Variants in SLC35D2 observed in about 807,000 individuals in gnomAD.
SLC35D2 encodes the protein solute carrier family 35 member D2, also known as nucleotide sugar transporter SLC35D2.
In SLC35D2, 43 loss-of-function variants were observed where a neutral mutation model predicts 41.8. The observed-to-expected ratio is 1.03, with a 90% CI of 0.81 to 1.33. The LOEUF (loss-of-function observed/expected upper bound fraction) is 1.33. Ranked by LOEUF, SLC35D2 falls within the 40% of genes most tolerant of loss-of-function variation. SLC35D2 has a pLI of 0.00. For synonymous variants in SLC35D2, 150 were observed against 163.9 expected (o/e 0.92, Z 0.65); for missense variants, 380 against 408.4 (o/e 0.93, Z 0.60).
intron 1 of SLC35D2, among the ~76,000 whole-genome samples, chr9:96,372,112 G>T (rs1391810285): frequency 6.6e-6 from 1 of 152,126 alleles, no homozygotes; most frequent in Non-Finnish European, 1.5e-5. Flanking sequence ...CCCGAGCTGT[G>T]GCCACTCCTG....
rs78220385 is a variant in SLC35D2, at chr9:96,324,168, A to G, written c.754T>C (p.Phe252Leu). The change falls in exon 10 of 12, where the codon TTT becomes CTT. Residue 252 changes from phenylalanine (F) to leucine (L), a missense_variant and splice_region_variant. Phe to Leu is a conservative substitution (Grantham distance 22). Transcript: ENST00000253270. ...LQFLLSCFLGFLLMYSTVLCS... is the reference protein window; with the variant it reads ...LQFLLSCFLGLLLMYSTVLCS... ...AGAACCGTGGAGTACATCAGCAGAA[A>G]CCTGTGACAAGGAAGCAGACACTGG... 1,513 of 1,613,552 alleles carry G rather than the reference A, an allele frequency of 9.4e-4. 1 individual carries two copies. The highest frequency in any genetic ancestry group is 1.2e-3 in the Non-Finnish European group (1,387 of 1,179,608).
In SLC35D2 at chr9:96,321,349, G is replaced by C; in HGVS notation, c.915-8C>G. On this transcript the variant is annotated splice_region_variant and splice_polypyrimidine_tract_variant and intron_variant, in intron 11 of 11. Coordinates refer to ENST00000253270, the MANE Select transcript of SLC35D2 (RefSeq NM_007001.3). ...CTCAAGCCCCCTGCCATGCTGAAAG[G>C]AGAAAAAAAAGTGAAAATAAATGAC... The C allele has an allele frequency of 6.2e-7, 1 of 1,602,734 alleles. No homozygotes were observed. The highest frequency in any genetic ancestry group is 8.5e-7 in the Non-Finnish European group (1 of 1,173,882).
At chr9:96,368,859 G>A (rs895309598) in intron 1 of SLC35D2, among the ~76,000 whole-genome samples, 77 of 151,868 alleles carry the variant, frequency 5.1e-4, no homozygotes, top group African/African-American at 1.8e-3. Flanking sequence ...CCACCTCCTG[G>A]GTTCAAGCGA....
At chr9:96,381,827 T>G (rs1831209774) in intron 1 of SLC35D2, among the ~76,000 whole-genome samples, 1 of 152,178 alleles carries the variant, frequency 6.6e-6, no homozygotes, top group Admixed American at 6.6e-5. Flanking sequence ...CTTCCCTGCC[T>G]ACCTCCCCGC....
chr9:96,348,204 ACCCAG>A lies in SLC35D2; in HGVS notation c.489-2808_489-2804del, dbSNP rs1587684344. On this transcript the variant is annotated intron_variant, in intron 6 of 11. Coordinates refer to ENST00000253270, the MANE Select transcript of SLC35D2 (RefSeq NM_007001.3). ...CAGGATTACAGGCATGGGCTACCACACCCAGCCCAGATGTATTTTAACTTTTTCTG... is the reference window on the plus strand; with the variant it reads ...CAGGATTACAGGCATGGGCTACCACACCCAGATGTATTTTAACTTTTTCTG... Among the ~76,000 whole-genome samples the A allele has an allele frequency of 2.0e-5, 3 of 152,112 alleles. No individual in the cohort carries two copies. In the East Asian group the frequency reaches 5.8e-4, roughly 29 times the overall value.
chr9:96,341,617 C>G (rs1019415513), intron 8 of SLC35D2, among the ~76,000 whole-genome samples: 2 of 152,152 alleles, frequency 1.3e-5, no homozygotes, highest in African/African-American at 2.4e-5. Context: ...AATAAGCCCT[C>G]AGCAAGTATT....
At position 96,343,954 on chromosome 9, in the gene SLC35D2, T is replaced by C. The variant is rs770481958; in HGVS notation, c.634A>G (p.Met212Val). 8 of 1,602,066 alleles carry C rather than the reference T, an allele frequency of 5.0e-6. No individual in the cohort carries two copies. The highest frequency in any genetic ancestry group is 6.8e-6 in the Non-Finnish European group (8 of 1,175,676). The change falls in exon 8 of 12, where the codon ATG (methionine) becomes GTG (valine). Residue 212 changes from methionine to valine, a missense_variant. Physicochemically the swap from Met to Val is conservative, Grantham distance 21 (BLOSUM62 1). Transcript: ENST00000253270. ...CTAATAATAAGAGTTGGGATAATCA[T>C]GAAGCAGGCATTGTAGAAAAGTACT... is the stretch of plus-strand genomic sequence containing the variant. The part of the protein sequence containing the change: ...YGVLFYNACF[M>V]IIPTLIISVS...
At chr9:96,361,377 A>T (rs1365826454) in intron 3 of SLC35D2, among the ~76,000 whole-genome samples, 2 of 152,198 alleles carry the variant, frequency 1.3e-5, no homozygotes, top group East Asian at 3.9e-4. Context: ...TAGCCCAACA[A>T]GACTGGTGTC....
chr9:96,358,980 CA>C (rs767115658), intron 4 of SLC35D2, among the ~76,000 whole-genome samples: 1 of 150,906 alleles, frequency 6.6e-6, no homozygotes. Context: ...GACTCCATCT[CA>C]AAAAAAAGAT....
chr9:96,325,714 C>G (rs1828495821), intron 9 of SLC35D2, among the ~76,000 whole-genome samples: 1 of 152,150 alleles, frequency 6.6e-6, no homozygotes, highest in Non-Finnish European at 1.5e-5. Flanking sequence ...AAGGCAGGAA[C>G]TTGGATTCAC....
intron 3 of SLC35D2, among the ~76,000 whole-genome samples, chr9:96,363,732 T>C (rs1830371461): frequency 6.6e-6 from 1 of 152,182 alleles, no homozygotes; most frequent in African/African-American, 2.4e-5. Flanking sequence ...AAACTAGAGC[T>C]CAAATCCAGC....
At chr9:96,336,996 A>T (rs1445448416) in intron 8 of SLC35D2, among the ~76,000 whole-genome samples, 2 of 152,152 alleles carry the variant, frequency 1.3e-5, no homozygotes, top group Admixed American at 1.3e-4. Flanking sequence ...TAGCTTATTT[A>T]AAAAAAGGAA....
chr9:96,363,795 C>T (rs1830374097), intron 3 of SLC35D2, among the ~76,000 whole-genome samples: 1 of 152,126 alleles, frequency 6.6e-6, no homozygotes, highest in Non-Finnish European at 1.5e-5. Flanking sequence ...GACATCAACC[C>T]ATTTAAATGT....
At chr9:96,314,985 T>G (rs1828016102) in intron 11 of SLC35D2, 1 of 152,206 alleles carries the variant, frequency 6.6e-6, no homozygotes, top group Non-Finnish European at 1.5e-5. Flanking sequence ...TAGGTTTACC[T>G]GAATCAATGT....
At chr9:96,379,142 A>G (rs1295029364) in intron 1 of SLC35D2, among the ~76,000 whole-genome samples, 1 of 150,940 alleles carries the variant, frequency 6.6e-6, no homozygotes, top group African/African-American at 2.4e-5. Flanking sequence ...TACAGAAAAA[A>G]AAAAAAATGC....
intron 8 of SLC35D2, among the ~76,000 whole-genome samples, chr9:96,337,069 A>C (rs1411203773): frequency 6.6e-6 from 1 of 152,264 alleles, no homozygotes; most frequent in Non-Finnish European, 1.5e-5. Flanking sequence ...GCTGATGGCC[A>C]GCACAAAATC....
At chr9:96,356,382 C>CTTTTTTTTTTT (rs199569097) in intron 4 of SLC35D2, among the ~76,000 whole-genome samples, 9 of 101,416 alleles carry the variant, frequency 8.9e-5, no homozygotes, top group East Asian at 3.0e-4. Context: ...TTTATTTATT[C>CTTTTTTTTTTT]TTTTTTTTTT....
At chr9:96,318,756 AG>A (rs1182778082), downstream of SLC35D2, among the ~76,000 whole-genome samples, 1 of 152,160 alleles carries the variant, frequency 6.6e-6, no homozygotes, top group African/African-American at 2.4e-5. Flanking sequence ...CAGGAGTTGC[AG>A]ACCATCCTGG....
intron 10 of SLC35D2, 44 bp from the exon 11 acceptor site, chr9:96,322,124 T>G: frequency 1.6e-6 from 2 of 1,236,278 alleles, no homozygotes; most frequent in Non-Finnish European, 2.4e-6. Flanking sequence ...AAGTAAACTG[T>G]TTAGGGGAAA....
Sources: gnomAD v4.1 joint callset for allele counts (sites outside exome capture counted in the v4.1 genomes callset) on GRCh38, gnomAD v4.1.1 for gene constraint, MANE v1.5 for transcripts, NCBI Gene and HGNC (gene_info 2026-07-23, HGNC 2026-07-21) for gene names.